Variants in MEF2C observed in about 807,000 individuals in gnomAD.
MEF2C encodes myocyte enhancer factor 2C, also known as myocyte-specific enhancer factor 2C.
Under a neutral mutation model 50.5 loss-of-function variants are expected in MEF2C, and 6 were observed. The ratio of observed to expected loss-of-function variants is 0.12; its 90% CI spans 0.07 to 0.23. The LOEUF is 0.23. Ranked by LOEUF, MEF2C falls within the 10% of genes least tolerant of loss-of-function variation. MEF2C has a pLI of 1.00. For synonymous variants in MEF2C, 183 were observed against 228.0 expected, an observed-to-expected ratio of 0.80 and a Z score of 1.78; for missense variants, 276 against 605.0, an observed-to-expected ratio of 0.46 and a Z score of 5.70.
At chr5:88,827,994 A>G (rs1276501127) in intron 1 of MEF2C, among the ~76,000 whole-genome samples, 1 of 151,938 alleles carries the variant, frequency 6.6e-6, no homozygotes, top group Non-Finnish European at 1.5e-5. Context: ...AAAAAATTCA[A>G]ACTAGGAACC....
chr5:88,783,178 C>G (rs776046660), intron 3 of MEF2C, among the ~76,000 whole-genome samples: 1 of 152,142 alleles, frequency 6.6e-6, no homozygotes, highest in Non-Finnish European at 1.5e-5. Flanking sequence ...GTATCAGGAG[C>G]GGCACTGCCA....
intron 1 of MEF2C, among the ~76,000 whole-genome samples, chr5:88,850,743 C>A (rs572010903): frequency 3.3e-5 from 5 of 151,846 alleles, no homozygotes; most frequent in Admixed American, 2.0e-4. Flanking sequence ...CACACACATA[C>A]ATATAATTAT....
chr5:88,852,310 C>T (rs956919902), intron 1 of MEF2C, among the ~76,000 whole-genome samples: 1 of 151,876 alleles, frequency 6.6e-6, no homozygotes, highest in Admixed American at 6.5e-5. Flanking sequence ...CTAAAAGTAC[C>T]AGTGGTGGGG....
At chr5:88,779,293 CAT>C (rs960683992) in intron 3 of MEF2C, among the ~76,000 whole-genome samples, 3 of 152,082 alleles carry the variant, frequency 2.0e-5, no homozygotes, top group African/African-American at 7.2e-5. Context: ...GGAAGCAAAA[CAT>C]AGTTCAAAGT....
At chr5:88,863,824 CTT>C (rs369890636) in intron 1 of MEF2C, among the ~76,000 whole-genome samples, 13 of 142,576 alleles carry the variant, frequency 9.1e-5, no homozygotes, top group Non-Finnish European at 7.6e-5. Context: ...ATTTCTTTTT[CTT>C]TTTTTTTTTT....
chr5:88,766,086 CA>C (rs1211493453), intron 3 of MEF2C, among the ~76,000 whole-genome samples: 1 of 152,114 alleles, frequency 6.6e-6, no homozygotes, highest in East Asian at 1.9e-4. Flanking sequence ...ACAGGTAATC[CA>C]AAAACCACGT....
chr5:88,853,410 G>A (rs930791499), intron 1 of MEF2C, among the ~76,000 whole-genome samples: 4 of 152,124 alleles, frequency 2.6e-5, no homozygotes, highest in Non-Finnish European at 5.9e-5. Context: ...AAGAAGAAAC[G>A]TTCTGTTAGC....
intron 6 of MEF2C, chr5:88,733,100 G>A (rs1762386512): frequency 1.7e-5 from 17 of 985,264 alleles, no homozygotes; most frequent in Non-Finnish European, 1.9e-5. Flanking sequence ...TGCCTGCAGA[G>A]TAATCCAGAT....
chr5:88,860,767 A>AT (rs913938801), intron 1 of MEF2C, among the ~76,000 whole-genome samples: 6 of 151,998 alleles, frequency 3.9e-5, no homozygotes, highest in African/African-American at 9.7e-5. Context: ...TGAAAGGTAC[A>AT]TTTTTCCCCC....
intron 3 of MEF2C, among the ~76,000 whole-genome samples, chr5:88,774,467 C>G (rs1460715293): frequency 2.0e-5 from 3 of 151,892 alleles, no homozygotes; most frequent in Admixed American, 1.3e-4. Context: ...GGACTACAGG[C>G]GCCCGCCACC....
chr5:88,733,787 AC>A, intron 6 of MEF2C: 1 of 985,308 alleles, frequency 1.0e-6, no homozygotes, highest in Non-Finnish European at 1.2e-6. Context: ...GGGCAAAAAA[AC>A]AAAAATAAAG....
At chr5:88,890,197 C>T (rs1276650504) in intron 1 of MEF2C, among the ~76,000 whole-genome samples, 1 of 152,222 alleles carries the variant, frequency 6.6e-6, no homozygotes, top group African/African-American at 2.4e-5. Context: ...TAGGAAAAAG[C>T]CACAAAGTAA....
At chr5:88,760,506 G>T (rs1261309465) in intron 4 of MEF2C, among the ~76,000 whole-genome samples, 2 of 152,222 alleles carry the variant, frequency 1.3e-5, no homozygotes, top group Non-Finnish European at 2.9e-5. Context: ...TTCATGTATA[G>T]GGAGAGGGGC....
At chr5:88,742,512 G>T in intron 6 of MEF2C, 2 of 979,632 alleles carry the variant, frequency 2.0e-6, no homozygotes, top group Non-Finnish European at 2.4e-6. Flanking sequence ...AGATATAGAA[G>T]GATAGAGAAT....
chr5:88,878,914 A>G (rs1303637275), intron 1 of MEF2C, among the ~76,000 whole-genome samples: 1 of 152,042 alleles, frequency 6.6e-6, no homozygotes, highest in Non-Finnish European at 1.5e-5. Flanking sequence ...AAGAGTGAAT[A>G]TAAAGAGTGA....
chr5:88,750,590 A>G (rs1772256356), intron 5 of MEF2C, among the ~76,000 whole-genome samples: 1 of 152,180 alleles, frequency 6.6e-6, no homozygotes, highest in South Asian at 2.1e-4. Context: ...AAAAATGAGC[A>G]TGAGTTTATC....
rs747852567 is a variant in MEF2C, at chr5:88,823,876, TCTC to T, written c.-91_-89del. The stretch of plus-strand genomic sequence containing the variant: ...CTCTTTCCTGTTTCCTCCAAACAAA[TCTC>T]CTTCTTCAGCACTTGCACAGCTCAG... On this transcript the variant is annotated 5_prime_UTR_variant, in exon 2 of 11. Transcript: ENST00000504921. The T allele has an allele frequency of 6.3e-5, 100 of 1,587,476 alleles. No individual in the cohort carries two copies. The highest frequency in any genetic ancestry group is 1.7e-4 in the Middle Eastern group (1 of 5,936).
chr5:88,805,823 CTTTTTTT>C (rs869224140), intron 2 of MEF2C, among the ~76,000 whole-genome samples: 7 of 61,554 alleles, frequency 1.1e-4, no homozygotes, highest in African/African-American at 3.1e-4. Context: ...CGTGAACATT[CTTTTTTT>C]TTTTTTTTTT....
At chr5:88,879,376 T>C (rs1270974302) in intron 1 of MEF2C, among the ~76,000 whole-genome samples, 1 of 103,130 alleles carries the variant, frequency 9.7e-6, no homozygotes, top group South Asian at 3.1e-4. Context: ...TCATGAAATA[T>C]ATATATTATA....
Sources: allele counts gnomAD v4.1 joint callset (sites outside exome capture counted in the v4.1 genomes callset), GRCh38; gene constraint gnomAD v4.1.1; transcripts MANE v1.5; gene names NCBI Gene and HGNC (gene_info 2026-07-23, HGNC 2026-07-21).